Variants in HS3ST2 observed in about 807,000 individuals in gnomAD.
HS3ST2 encodes heparan sulfate glucosamine 3-O-sulfotransferase 2.
HS3ST2 carries 17 observed loss-of-function variants against 26.3 expected under a neutral mutation model. The ratio of observed to expected loss-of-function variants is 0.65; its 90% CI spans 0.44 to 0.97. The LOEUF is 0.97. Among genes scored for constraint, HS3ST2 ranks in the 50% least tolerant of loss-of-function variants. HS3ST2 has a pLI of 0.00. For missense variants in HS3ST2, 402 were observed against 501.2 expected, an observed-to-expected ratio of 0.80 and a Z score of 1.89; for synonymous variants, 237 against 219.2, an observed-to-expected ratio of 1.08 and a Z score of -0.72.
At chr16:22,887,788 A>G (rs951739944) in intron 1 of HS3ST2, among the ~76,000 whole-genome samples, 2 of 150,368 alleles carry the variant, frequency 1.3e-5, no homozygotes, top group African/African-American at 4.9e-5. Flanking sequence ...CTCTACGGGA[A>G]AAAAAAAAAA....
At chr16:22,872,356 T>C (rs1223974238) in intron 1 of HS3ST2, among the ~76,000 whole-genome samples, 1 of 152,254 alleles carries the variant, frequency 6.6e-6, no homozygotes, top group Non-Finnish European at 1.5e-5. Context: ...TTATCTCCTA[T>C]ACCAAATATA....
chr16:22,862,216 T>C (rs1901687180), intron 1 of HS3ST2, among the ~76,000 whole-genome samples: 1 of 151,330 alleles, frequency 6.6e-6, no homozygotes, highest in Non-Finnish European at 1.5e-5. Flanking sequence ...TTTTAGGATC[T>C]AAAGGCAACT....
intron 1 of HS3ST2, among the ~76,000 whole-genome samples, chr16:22,905,133 C>T (rs912173245): frequency 3.3e-5 from 5 of 152,224 alleles, no homozygotes; most frequent in Middle Eastern, 3.2e-3. Context: ...TCCAGGCAGC[C>T]GGGTCTTCCA....
At chr16:22,853,141 G>T (rs965150326) in intron 1 of HS3ST2, among the ~76,000 whole-genome samples, 3 of 152,166 alleles carry the variant, frequency 2.0e-5, no homozygotes, top group Non-Finnish European at 4.4e-5. Flanking sequence ...CCAGTACCCA[G>T]ATCAAGGTCT....
chr16:22,859,021 A>G (rs1275152320), intron 1 of HS3ST2, among the ~76,000 whole-genome samples: 5 of 151,984 alleles, frequency 3.3e-5, no homozygotes, highest in African/African-American at 1.2e-4. Context: ...AAGAAATTAG[A>G]TGGGCGTGGT....
intron 1 of HS3ST2, among the ~76,000 whole-genome samples, chr16:22,886,768 CTT>C (rs370294994): frequency 6.8e-6 from 1 of 146,328 alleles, no homozygotes; most frequent in African/African-American, 2.5e-5. Context: ...ACTTCTTTTT[CTT>C]TTTTTTTTTA....
chr16:22,881,251 A>G (rs1181343753), intron 1 of HS3ST2, among the ~76,000 whole-genome samples: 6 of 152,176 alleles, frequency 3.9e-5, no homozygotes, highest in Non-Finnish European at 7.3e-5. Context: ...CCACTTCTTG[A>G]CTTCAGCAGG....
intron 1 of HS3ST2, among the ~76,000 whole-genome samples, chr16:22,899,779 C>A (rs1442542879): frequency 1.3e-5 from 2 of 152,210 alleles, no homozygotes; most frequent in Non-Finnish European, 2.9e-5. Flanking sequence ...CATCATGTCT[C>A]ATGAGACTTA....
Position 22,861,663 on chromosome 16 carries a change from C to T in HS3ST2, c.485+46568C>T, listed in dbSNP as rs912361852. Among the ~76,000 whole-genome samples, 11 of 152,222 alleles carry T rather than the reference C, an allele frequency of 7.2e-5. 2 individuals carry two copies. In the South Asian group the frequency reaches 2.3e-3, roughly 32 times the overall value. The stretch of plus-strand genomic sequence containing the variant: ...TAATCCAGAGCTGGGGAGGGAAACT[C>T]CTTCTAGAAGTCATGGGTCAAGGGA... On this transcript the variant is annotated intron_variant, in intron 1 of 1. Coordinates refer to ENST00000261374, the MANE Select transcript of HS3ST2 (RefSeq NM_006043.2).
chr16:22,814,982 G>C lies in HS3ST2; in HGVS notation c.372G>C (p.Lys124Asn). 6.2e-7 allele frequency: 1 copy of C among 1,612,962 alleles called. No homozygotes were observed. Among genetic ancestry groups the C allele is most frequent in the South Asian group, 1.1e-5 (1 of 91,018 alleles). ...AAGCCCTCATTGTGGGCGTGAAGAAGGGGGGCACCCGGGCCGTGCTGGAGT... is the reference window on the plus strand; with the variant it reads ...AAGCCCTCATTGTGGGCGTGAAGAACGGGGGCACCCGGGCCGTGCTGGAGT... ...LPQALIVGVKKGGTRAVLEFI... is the reference protein window; with the variant it reads ...LPQALIVGVKNGGTRAVLEFI... Residue 124 changes from lysine to asparagine, a missense_variant, in exon 1 of 2, where the codon AAG becomes AAC. Physicochemically the swap from Lys to Asn is moderately conservative, Grantham distance 94. Transcript: ENST00000261374.
At chr16:22,890,040 TAAG>T (rs1239920147) in intron 1 of HS3ST2, among the ~76,000 whole-genome samples, 2 of 152,208 alleles carry the variant, frequency 1.3e-5, no homozygotes, top group Non-Finnish European at 2.9e-5. Flanking sequence ...CTTGGCATAA[TAAG>T]GAAAAACCCA....
intron 1 of HS3ST2, among the ~76,000 whole-genome samples, chr16:22,838,816 T>C (rs1158563132): frequency 6.6e-6 from 1 of 152,214 alleles, no homozygotes; most frequent in East Asian, 1.9e-4. Flanking sequence ...TTACGACCTC[T>C]TGAAGCCTGG....
At chr16:22,839,130 A>C (rs1439643234) in intron 1 of HS3ST2, among the ~76,000 whole-genome samples, 2 of 152,246 alleles carry the variant, frequency 1.3e-5, no homozygotes, top group African/African-American at 4.8e-5. Flanking sequence ...AAAATAAAGC[A>C]TATCTCTGCT....
intron 1 of HS3ST2, among the ~76,000 whole-genome samples, chr16:22,837,590 C>CAT (rs141505730): frequency 0.17 from 24,091 of 144,964 alleles, 2,149 homozygotes; most frequent in East Asian, 0.21. Flanking sequence ...CACACACACA[C>CAT]GGACATATAT....
chr16:22,848,321 T>C (rs886973342), intron 1 of HS3ST2, among the ~76,000 whole-genome samples: 1 of 152,188 alleles, frequency 6.6e-6, no homozygotes, highest in Admixed American at 6.5e-5. Context: ...TAAATGGAAT[T>C]TGGACTATTG....
chr16:22,864,913 T>C (rs538994791), intron 1 of HS3ST2, among the ~76,000 whole-genome samples: 74 of 131,088 alleles, frequency 5.6e-4, no homozygotes, highest in African/African-American at 2.4e-3. Context: ...TAGCCGGGCA[T>C]GGTGGTACAC....
chr16:22,882,705 T>C (rs1468521402), intron 1 of HS3ST2, among the ~76,000 whole-genome samples: 2 of 151,260 alleles, frequency 1.3e-5, no homozygotes, highest in Non-Finnish European at 2.9e-5. Flanking sequence ...CACTCCAGAC[T>C]GGGTGACAGA....
chr16:22,898,986 A>G, intron 1 of HS3ST2, among the ~76,000 whole-genome samples: 1 of 152,144 alleles, frequency 6.6e-6, no homozygotes, highest in Non-Finnish European at 1.5e-5. Flanking sequence ...CAATTGGATC[A>G]CCTCCAACTA....
At chr16:22,838,352 G>A (rs9935663) in intron 1 of HS3ST2, among the ~76,000 whole-genome samples, 2,910 of 152,210 alleles carry the variant, frequency 0.019, 89 homozygotes, top group African/African-American at 0.063. Flanking sequence ...GAGTATGCCT[G>A]GAGTTGCACC....
Sources: allele counts gnomAD v4.1 joint callset (sites outside exome capture counted in the v4.1 genomes callset), GRCh38; gene constraint gnomAD v4.1.1; transcripts MANE v1.5; gene names NCBI Gene and HGNC (gene_info 2026-07-23, HGNC 2026-07-21).